IQSEC1: variants seen among roughly 807,000 people sequenced by gnomAD.
IQSEC1 encodes the protein IQ motif and SEC7 domain-containing protein 1.
In IQSEC1, 31 loss-of-function variants were observed where a neutral mutation model predicts 91.0. The ratio of observed to expected loss-of-function variants is 0.34; its 90% CI spans 0.26 to 0.46. The LOEUF (loss-of-function observed/expected upper bound fraction) is 0.46, where lower values mean the gene tolerates loss of function less well. Among genes scored for constraint, IQSEC1 ranks in the 20% least tolerant of loss-of-function variants. The pLI is 1.00. For missense variants in IQSEC1, 1,388 were observed against 1,575.6 expected (o/e 0.88, Z 2.02); for synonymous variants, 699 against 662.6 (o/e 1.05, Z -0.84).
chr3:13,258,269 C>T (rs538743948), intron 1 of IQSEC1, among the ~76,000 whole-genome samples: 23 of 152,300 alleles, frequency 1.5e-4, no homozygotes, highest in African/African-American at 2.9e-4. Context: ...GGAACAGGGA[C>T]GGCAGGAGCA....
At chr3:12,973,022 A>G (rs1374314896) in intron 1 of IQSEC1, among the ~76,000 whole-genome samples, 2 of 152,048 alleles carry the variant, frequency 1.3e-5, no homozygotes, top group Non-Finnish European at 2.9e-5. Flanking sequence ...AATTCCAACC[A>G]TTTTCCACAG....
intron 1 of IQSEC1, chr3:13,015,558 G>A (rs1387930928): frequency 2.0e-6 from 2 of 985,242 alleles, no homozygotes; most frequent in East Asian, 2.3e-4. Flanking sequence ...CCCTCCCCGG[G>A]CCAGGTGGGT....
At chr3:13,044,842 G>A (rs760971319) in intron 1 of IQSEC1, among the ~76,000 whole-genome samples, 30 of 152,272 alleles carry the variant, frequency 2.0e-4, no homozygotes, top group Non-Finnish European at 3.8e-4. Context: ...TCCGAAGGCT[G>A]GGATTCTCAG....
rs1039419687 is a variant in IQSEC1, at chr3:12,983,759, G to A, written c.24-41894C>T. ...CCCTCTCCCCTCTGGACAGCTCCGT[G>A]AGGATAAGAATAAGGTTGTCCGACA... On this transcript the variant is annotated intron_variant, in intron 1 of 13. Coordinates refer to ENST00000613206, the MANE Select transcript of IQSEC1 (RefSeq NM_001134382.3). This position sits in a 1 kb window ranked among gnomAD's most constrained non-coding sequence, Gnocchi z 4.3. 5.3e-5 allele frequency among the ~76,000 whole-genome samples: 8 copies of A among 152,174 alleles called. No homozygotes were observed. The highest frequency in any genetic ancestry group is 1.2e-4 in the Non-Finnish European group (8 of 68,022).
At chr3:13,210,476 G>T (rs1262901616) in intron 1 of IQSEC1, among the ~76,000 whole-genome samples, 1 of 152,168 alleles carries the variant, frequency 6.6e-6, no homozygotes, top group African/African-American at 2.4e-5. Context: ...GGCACCAGCT[G>T]CCAGGCCACC....
intron 1 of IQSEC1, among the ~76,000 whole-genome samples, chr3:13,015,325 C>T (rs577518530): frequency 3.9e-5 from 6 of 152,262 alleles, no homozygotes; most frequent in African/African-American, 7.2e-5. Flanking sequence ...GCTGGTCTAA[C>T]GCGCAGGGGA....
chr3:13,019,755 C>A (rs1703317581), intron 1 of IQSEC1, among the ~76,000 whole-genome samples: 2 of 152,166 alleles, frequency 1.3e-5, no homozygotes, highest in Non-Finnish European at 2.9e-5. Context: ...GGTGCCCACA[C>A]CCACCCCACC....
At chr3:12,968,445 T>G (rs932078527) in intron 1 of IQSEC1, among the ~76,000 whole-genome samples, 1 of 152,138 alleles carries the variant, frequency 6.6e-6, no homozygotes, top group African/African-American at 2.4e-5. Flanking sequence ...AGTTCTTTAG[T>G]GATAGTTGGC....
chr3:13,224,833 G>T (rs1297883686), intron 1 of IQSEC1, among the ~76,000 whole-genome samples: 1 of 152,210 alleles, frequency 6.6e-6, no homozygotes, highest in Admixed American at 6.5e-5. Context: ...GAGCTGCCCT[G>T]GCTTAAAAGC....
At chr3:12,915,055 C>T (rs1695944867) in intron 8 of IQSEC1, 49 bp downstream of exon 8, 1 of 1,570,298 alleles carries the variant, frequency 6.4e-7, no homozygotes, top group Admixed American at 1.8e-5. Context: ...TGCTGGGCCT[C>T]CCCAGGGCGG....
Position 12,979,500 on chromosome 3 carries a change from A to ACG in IQSEC1, c.24-37637_24-37636dup, listed in dbSNP as rs1228599537. The stretch of plus-strand genomic sequence containing the variant: ...AAAAAGGCGGACACATGCACGCAGC[A>ACG]CGCGCACACACACACTCTAAGATGT... On this transcript the variant is annotated intron_variant, in intron 1 of 13. Transcript: ENST00000613206. This position sits in a 1 kb window ranked among gnomAD's most constrained non-coding sequence, Gnocchi z 4.3. Among the ~76,000 whole-genome samples the ACG allele has an allele frequency of 6.6e-6, 1 of 152,254 alleles. No homozygotes were observed. The highest frequency in any genetic ancestry group is 2.4e-5 in the African/African-American group (1 of 41,464).
At chr3:12,946,639 T>A (rs1018874667) in intron 1 of IQSEC1, among the ~76,000 whole-genome samples, 1 of 152,114 alleles carries the variant, frequency 6.6e-6, no homozygotes, top group Non-Finnish European at 1.5e-5. Context: ...GGAAATAACA[T>A]CAAAATGGGG....
intron 1 of IQSEC1, among the ~76,000 whole-genome samples, chr3:12,972,495 A>G (rs1700954609): frequency 6.6e-6 from 1 of 152,218 alleles, no homozygotes; most frequent in African/African-American, 2.4e-5. Flanking sequence ...ACTGACAACC[A>G]CAAAAATCGA....
intron 1 of IQSEC1, among the ~76,000 whole-genome samples, chr3:13,178,484 C>T (rs115429932): frequency 8.5e-4 from 130 of 152,350 alleles, no homozygotes; most frequent in African/African-American, 3.1e-3. Flanking sequence ...AGTTATTTTG[C>T]TCCTAGCTGC....
In IQSEC1 at chr3:12,936,408, A is replaced by G; in HGVS notation, c.608T>C (p.Leu203Pro). ...AGACTTGAGGGTGGTGGGCTCGCTG[A>G]GGTCACCACACTCAGGGGACACCAG... Reference protein sequence around the residue: ...GALVSPECGDLSEPTTLKSPA... With the variant: ...GALVSPECGDPSEPTTLKSPA... The change falls in exon 3 of 14, where the codon CTC (leucine) becomes CCC (proline). Residue 203 changes from leucine to proline, a missense_variant. Transcript: ENST00000613206. 1.3e-6 allele frequency: 2 copies of G among 1,594,706 alleles called. No homozygotes were observed. The highest frequency in any genetic ancestry group is 1.7e-6 in the Non-Finnish European group (2 of 1,167,954).
At chr3:12,933,033 A>C (rs1697828810) in intron 3 of IQSEC1, among the ~76,000 whole-genome samples, 1 of 152,268 alleles carries the variant, frequency 6.6e-6, no homozygotes, top group African/African-American at 2.4e-5. Context: ...CCCCCCAGAC[A>C]GAGGCCTGTG....
intron 1 of IQSEC1, among the ~76,000 whole-genome samples, chr3:13,014,690 T>A (rs1703036762): frequency 1.3e-5 from 2 of 152,060 alleles, no homozygotes. Context: ...CTCTGACCCA[T>A]CTGTTGAACT....
chr3:13,008,411 C>T lies in IQSEC1; in HGVS notation c.23+64581G>A, dbSNP rs1179478931. On this transcript the variant is annotated intron_variant, in intron 1 of 13. Coordinates refer to ENST00000613206, the MANE Select transcript of IQSEC1 (RefSeq NM_001134382.3). This position sits in a 1 kb window ranked among gnomAD's most constrained non-coding sequence, Gnocchi z 4.1. ...GAGAGTGCTGCCATTAGTCTCCAAA[C>T]CCTCTGTCCTTTGAGCCTGAATCCC... 2.0e-5 allele frequency among the ~76,000 whole-genome samples: 3 copies of T among 152,172 alleles called. No homozygotes were observed. In the South Asian group the frequency reaches 6.2e-4, roughly 31 times the overall value.
At position 12,960,606 on chromosome 3, in the gene IQSEC1, G is replaced by C. The variant is rs374751732; in HGVS notation, c.24-18741C>G. 11 of 152,294 alleles carry C rather than the reference G, an allele frequency of 7.2e-5. 1 individual carries two copies. Among genetic ancestry groups the C allele is most frequent in the Admixed American group, 5.2e-4 (8 of 15,298 alleles). 9.4% of individuals were successfully genotyped at this position (152,294 alleles called of 1,614,324 possible). The stretch of plus-strand genomic sequence containing the variant: ...TCTATATTCTGCAGAGCTTGAATTC[G>C]TCATTTTCATTTTCTAGCCATTCTT... On this transcript the variant is annotated intron_variant, in intron 1 of 13. Transcript: ENST00000613206.
Sources: gnomAD v4.1 joint callset for allele counts (sites outside exome capture counted in the v4.1 genomes callset) on GRCh38, gnomAD v4.1.1 for gene constraint, Gnocchi (gnomAD v3.1) non-coding constraint, MANE v1.5 for transcripts, NCBI Gene and HGNC (gene_info 2026-07-23, HGNC 2026-07-21) for gene names.